Variants in PDE4D observed in about 807,000 individuals in gnomAD.
PDE4D encodes the protein phosphodiesterase 4D.
A neutral mutation model predicts 87.4 loss-of-function variants in PDE4D; 24 were observed. That is an observed-to-expected ratio of 0.27 (90% CI 0.20 to 0.39). The LOEUF (loss-of-function observed/expected upper bound fraction) is 0.39, where lower values mean the gene tolerates loss of function less well. Ranked by LOEUF, PDE4D falls within the 10% of genes least tolerant of loss-of-function variation. The probability of loss-of-function intolerance (pLI) is 1.00; values close to 1 mark genes in which losing one functional copy is unlikely to be tolerated. For missense variants in PDE4D, 714 were observed against 1,041.0 expected (o/e 0.69, Z 4.32); for synonymous variants, 384 against 383.2 (o/e 1.00, Z -0.02).
rs577688891 is a variant in PDE4D at position 60,410,888 on chromosome 5, G to A, written c.-90+77054C>T. On this transcript the variant is annotated intron_variant, in intron 1 of 16. Coordinates refer to the PDE4D transcript ENST00000502484. ...AAAACATAAGGCACTTGCCATGGGAGAGACACTGTTCTTACTGCTTCTAAC... is the reference window on the plus strand; with the variant it reads ...AAAACATAAGGCACTTGCCATGGGAAAGACACTGTTCTTACTGCTTCTAAC... Among the ~76,000 whole-genome samples, 3 of 152,352 alleles carry A rather than the reference G, an allele frequency of 2.0e-5. No homozygotes were observed. The South Asian group carries it at 6.2e-4, about 32-fold the overall frequency.
At chr5:60,322,662 G>C (rs551521181) in intron 1 of PDE4D, among the ~76,000 whole-genome samples, 6 of 152,060 alleles carry the variant, frequency 3.9e-5, no homozygotes, top group African/African-American at 1.4e-4. Context: ...TGAAATAGCT[G>C]TCAGAGCCCT....
rs114032372 is a variant in PDE4D at position 60,018,312 on chromosome 5, C to G, written c.43-29595G>C. ...AAATGATGAGGGAATTAGTCACCAC[C>G]AGGCCTGCCTTGCAAGAGCTCCTGA... On this transcript the variant is annotated intron_variant, in intron 2 of 16. Coordinates refer to the PDE4D transcript ENST00000502484. Among the ~76,000 whole-genome samples, 22 of 152,180 alleles carry G rather than the reference C, an allele frequency of 1.4e-4. No individual in the cohort carries two copies. The East Asian group carries it at 4.3e-3, about 29-fold the overall frequency.
At chr5:60,482,194 C>A (rs1748781366) in intron 1 of PDE4D, among the ~76,000 whole-genome samples, 1 of 152,098 alleles carries the variant, frequency 6.6e-6, no homozygotes, top group African/African-American at 2.4e-5. Context: ...AGAGCTAGCT[C>A]ACCCTCTTTC....
chr5:59,674,050 C>T (rs965966465), intron 1 of PDE4D, among the ~76,000 whole-genome samples: 1 of 152,066 alleles, frequency 6.6e-6, no homozygotes, highest in African/African-American at 2.4e-5. Flanking sequence ...TCTAGTGATG[C>T]CCTGCTAGGA....
chr5:60,247,419 T>C (rs148006104), intron 1 of PDE4D, among the ~76,000 whole-genome samples: 16 of 152,112 alleles, frequency 1.1e-4, no homozygotes, highest in African/African-American at 3.9e-4. Flanking sequence ...TTTTCTCTAG[T>C]AAAAATCAAC....
chr5:59,434,102 G>GAGGTTA, intron 1 of PDE4D, among the ~76,000 whole-genome samples: 1 of 60,782 alleles, frequency 1.6e-5, no homozygotes, highest in Non-Finnish European at 3.3e-5. Flanking sequence ...TCTTTAGGAT[G>GAGGTTA]TTCCTAAAGA....
At chr5:59,706,793 T>C (rs298094) in intron 1 of PDE4D, among the ~76,000 whole-genome samples, 114,424 of 152,076 alleles carry the variant, frequency 0.75, 43,180 homozygotes, top group East Asian at 0.84. Context: ...TCCGAGCTCC[T>C]TCTCCTTATG....
intron 1 of PDE4D, among the ~76,000 whole-genome samples, chr5:60,315,505 T>C (rs1040394346): frequency 7.9e-5 from 12 of 152,368 alleles, no homozygotes; most frequent in African/African-American, 2.6e-4. Flanking sequence ...ATCCCATTTG[T>C]CAATTTTGGC....
intron 5 of PDE4D, among the ~76,000 whole-genome samples, chr5:59,077,191 C>T (rs1175669147): frequency 2.6e-5 from 4 of 152,072 alleles, no homozygotes; most frequent in Non-Finnish European, 5.9e-5. Flanking sequence ...AGGCATTATA[C>T]TCTTAGCATA....
chr5:60,002,508 A>G (rs923165337), intron 2 of PDE4D, among the ~76,000 whole-genome samples: 3 of 152,198 alleles, frequency 2.0e-5, no homozygotes, highest in African/African-American at 7.2e-5. Context: ...ACATAAATGC[A>G]AAAGTCCTAA....
intron 2 of PDE4D, among the ~76,000 whole-genome samples, chr5:60,118,699 C>T (rs1582749064): frequency 6.6e-6 from 1 of 151,874 alleles, no homozygotes; most frequent in Non-Finnish European, 1.5e-5. Flanking sequence ...CTACTTTTGA[C>T]CATTTTTGCC....
intron 1 of PDE4D, among the ~76,000 whole-genome samples, chr5:60,356,578 T>C (rs528188797): frequency 6.6e-6 from 1 of 152,344 alleles, no homozygotes; most frequent in Admixed American, 6.5e-5. Context: ...TTGAAGCCAT[T>C]TGACATGGCT....
chr5:59,183,419 C>T (rs1195353859), intron 4 of PDE4D, among the ~76,000 whole-genome samples: 2 of 152,166 alleles, frequency 1.3e-5, no homozygotes, highest in African/African-American at 4.8e-5. Context: ...TGCATAGAAA[C>T]AGGCCTCAGA....
At chr5:59,605,133 C>A (rs931652322) in intron 1 of PDE4D, among the ~76,000 whole-genome samples, 1 of 152,042 alleles carries the variant, frequency 6.6e-6, no homozygotes, top group East Asian at 1.9e-4. Context: ...CTTAAAACTG[C>A]ATATTGGCTG....
At chr5:59,674,905 T>C (rs1036650157) in intron 1 of PDE4D, among the ~76,000 whole-genome samples, 2 of 152,214 alleles carry the variant, frequency 1.3e-5, no homozygotes, top group South Asian at 2.1e-4. Context: ...AGCTAACTTA[T>C]CTTGAAATGT....
chr5:59,979,421 G>GGTGTGTGTGT lies in PDE4D; in HGVS notation c.272+9057_272+9066dup, dbSNP rs60199601. Among the ~76,000 whole-genome samples the GGTGTGTGTGT allele has an allele frequency of 7.0e-3, 1,038 of 147,692 alleles. 4 individuals are homozygous for GGTGTGTGTGT. The highest frequency in any genetic ancestry group is 0.016 in the East Asian group (79 of 5,022). Reference sequence around the variant, plus strand: ...TATATCTAGCTTTCACACAGCAAGGGGTGTGTGTGTGTGTGTGTGTGTTTA... The same window carrying GGTGTGTGTGT: ...TATATCTAGCTTTCACACAGCAAGGGGTGTGTGTGTGTGTGTGTGTGTGTGTGTGTGTTTA... On this transcript the variant is annotated intron_variant, in intron 3 of 16. Coordinates refer to the PDE4D transcript ENST00000502484.
At chr5:60,493,061 G>A (rs1049182504), upstream of PDE4D, among the ~76,000 whole-genome samples, 1 of 152,058 alleles carries the variant, frequency 6.6e-6, no homozygotes, top group African/African-American at 2.4e-5. Context: ...GAAGTGTGTT[G>A]GTCACTATTA....
intron 1 of PDE4D, among the ~76,000 whole-genome samples, chr5:59,323,342 C>G (rs185727104): frequency 6.6e-6 from 1 of 152,098 alleles, no homozygotes; most frequent in East Asian, 1.9e-4. Context: ...AATTATAGTA[C>G]CCCTAGTATT....
chr5:59,179,499 A>C (rs951357431), intron 5 of PDE4D, among the ~76,000 whole-genome samples: 3 of 152,220 alleles, frequency 2.0e-5, no homozygotes, highest in African/African-American at 7.2e-5. Context: ...AATATGTTGA[A>C]AGAGAAACAT....
Sources: allele counts gnomAD v4.1 joint callset (sites outside exome capture counted in the v4.1 genomes callset), GRCh38; gene constraint gnomAD v4.1.1; transcripts MANE v1.5; gene names NCBI Gene and HGNC (gene_info 2026-07-23, HGNC 2026-07-21).